NHSL1: variants seen among roughly 807,000 people sequenced by gnomAD.
NHSL1 encodes the protein NHS-like protein 1.
Under a neutral mutation model 95.0 loss-of-function variants are expected in NHSL1, and 48 were observed. The ratio of observed to expected loss-of-function variants is 0.51; its 90% CI spans 0.40 to 0.64. NHSL1 has a LOEUF of 0.64. Among genes scored for constraint, NHSL1 ranks in the 30% least tolerant of loss-of-function variants. The pLI is 0.00. For missense variants in NHSL1, 1,971 were observed against 2,077.7 expected (o/e 0.95, Z 1.00); for synonymous variants, 783 against 833.9 (o/e 0.94, Z 1.05).
chr6:138,692,882 G>A (rs959951559), upstream of NHSL1, among the ~76,000 whole-genome samples: 3 of 150,808 alleles, frequency 2.0e-5, no homozygotes, highest in African/African-American at 7.3e-5. The surrounding 1 kb of genome is among the most constrained non-coding windows in gnomAD (Gnocchi z 4.0). Flanking sequence ...AGGGAAGCCT[G>A]GCGGCCCCTG....
intron 1 of NHSL1, among the ~76,000 whole-genome samples, chr6:138,681,199 T>C (rs1562411647): frequency 6.6e-6 from 1 of 152,174 alleles, no homozygotes; most frequent in Non-Finnish European, 1.5e-5. Flanking sequence ...AAATTGTGTG[T>C]ATAAAAAAGA....
chr6:138,600,449 C>T (rs1306422156), intron 1 of NHSL1, among the ~76,000 whole-genome samples: 1 of 152,172 alleles, frequency 6.6e-6, no homozygotes, highest in East Asian at 1.9e-4. Context: ...TTTATCAGCA[C>T]TGTAAAGGGT....
intron 1 of NHSL1, among the ~76,000 whole-genome samples, chr6:138,653,092 A>C (rs1316231440): frequency 6.6e-6 from 1 of 152,218 alleles, no homozygotes; most frequent in Non-Finnish European, 1.5e-5. Context: ...AAGTTCAGTA[A>C]CTGCACTGGA....
At chr6:138,623,162 T>C (rs1037063329) in intron 1 of NHSL1, among the ~76,000 whole-genome samples, 1 of 152,094 alleles carries the variant, frequency 6.6e-6, no homozygotes, top group Non-Finnish European at 1.5e-5. Context: ...AACAATGCGA[T>C]GGGAATGTGG....
intron 3 of NHSL1, among the ~76,000 whole-genome samples, chr6:138,462,823 G>T (rs1778087105): frequency 6.6e-6 from 1 of 152,204 alleles, no homozygotes; most frequent in Admixed American, 6.5e-5. Flanking sequence ...TCAAACTGGA[G>T]TTGGGTTCTT....
At chr6:138,438,508 T>C (rs994159429) in intron 5 of NHSL1, among the ~76,000 whole-genome samples, 1 of 152,216 alleles carries the variant, frequency 6.6e-6, no homozygotes, top group Non-Finnish European at 1.5e-5. Flanking sequence ...GCAATAACCC[T>C]GAGGTATGTC....
intron 2 of NHSL1, among the ~76,000 whole-genome samples, chr6:138,489,656 G>A (rs1002746922): frequency 3.3e-5 from 5 of 151,180 alleles, no homozygotes; most frequent in African/African-American, 1.2e-4. Flanking sequence ...CAGCTACTCA[G>A]GGTGCTGAGG....
At chr6:138,453,394 G>C (rs1370437108) in intron 3 of NHSL1, among the ~76,000 whole-genome samples, 1 of 151,840 alleles carries the variant, frequency 6.6e-6, no homozygotes, top group Non-Finnish European at 1.5e-5. Flanking sequence ...TTGCCCTCTT[G>C]CCCAGGCTAG....
At chr6:138,489,829 A>G (rs1226304276) in intron 2 of NHSL1, among the ~76,000 whole-genome samples, 6 of 85,848 alleles carry the variant, frequency 7.0e-5, no homozygotes, top group African/African-American at 2.5e-4. Context: ...AGAGAGGGAG[A>G]GAGAGAGAGA....
chr6:138,491,758 G>A (rs1458348974), intron 2 of NHSL1, among the ~76,000 whole-genome samples: 3 of 152,078 alleles, frequency 2.0e-5, no homozygotes, highest in Admixed American at 6.5e-5. Flanking sequence ...TCTCTTATCC[G>A]AAATGCTTGA....
chr6:138,484,262 G>C (rs1318420740), intron 2 of NHSL1, among the ~76,000 whole-genome samples: 1 of 152,154 alleles, frequency 6.6e-6, no homozygotes, highest in East Asian at 1.9e-4. Context: ...AAGCTTGCAG[G>C]CAAGTGTAGG....
intron 4 of NHSL1, among the ~76,000 whole-genome samples, chr6:138,446,400 C>T (rs763682708): frequency 1.3e-5 from 2 of 152,144 alleles, no homozygotes; most frequent in South Asian, 2.1e-4. Flanking sequence ...ATTTTATGTA[C>T]CTTGTCACCT....
At chr6:138,465,722 T>C (rs1015574118) in intron 3 of NHSL1, among the ~76,000 whole-genome samples, 1 of 144,596 alleles carries the variant, frequency 6.9e-6, no homozygotes, top group African/African-American at 2.6e-5. Flanking sequence ...TTTTTTTCTT[T>C]TCTTTTTTTT....
At chr6:138,661,076 A>C (rs1020688666) in intron 1 of NHSL1, among the ~76,000 whole-genome samples, 5 of 152,220 alleles carry the variant, frequency 3.3e-5, no homozygotes, top group African/African-American at 9.7e-5. Context: ...GAAGATTATC[A>C]CAATCAAGCT....
At chr6:138,654,894 G>C (rs887459508) in intron 1 of NHSL1, among the ~76,000 whole-genome samples, 1 of 152,152 alleles carries the variant, frequency 6.6e-6, no homozygotes, top group Admixed American at 6.5e-5. Context: ...ACGCTCTAAG[G>C]GGTGTGCACA....
At chr6:138,683,689 C>A (rs754630116) in intron 1 of NHSL1, among the ~76,000 whole-genome samples, 1 of 152,214 alleles carries the variant, frequency 6.6e-6, no homozygotes, top group Non-Finnish European at 1.5e-5. Context: ...CACTGCCACG[C>A]GATGTTTGGG....
At chr6:138,517,130 C>T (rs1781492979) in intron 1 of NHSL1, among the ~76,000 whole-genome samples, 1 of 152,232 alleles carries the variant, frequency 6.6e-6, no homozygotes, top group Admixed American at 6.5e-5. Flanking sequence ...TGTATCATAA[C>T]ACTTTCTGCC....
intron 2 of NHSL1, among the ~76,000 whole-genome samples, chr6:138,482,174 C>T (rs183382060): frequency 9.9e-5 from 15 of 152,166 alleles, no homozygotes; most frequent in Non-Finnish European, 1.5e-4. Flanking sequence ...TGAAGCCGGG[C>T]GTGGTGGCTC....
At position 138,430,809 on chromosome 6, in the gene NHSL1, C is replaced by T; in HGVS notation, c.3536G>A (p.Ser1179Asn). ...TGAAGAGTCTGGGAGTGGGGTGGTG[C>T]TGGGGCTGGGCCGAGCCTCTGCCTC... ...AGEAEARPSP[S>N]TTPLPDSSPS... Residue 1179 changes from serine to asparagine, a missense_variant, in exon 6 of 8, where the codon AGC (serine) becomes AAC (asparagine). By Grantham distance (46) the Ser-to-Asn change is conservative. Coordinates refer to ENST00000343505, the MANE Select transcript of NHSL1 (RefSeq NM_001144060.2). The surrounding 1 kb of genome is among the most constrained non-coding windows in gnomAD (Gnocchi z 4.7). 1 of 1,551,076 alleles carries T rather than the reference C, an allele frequency of 6.4e-7. No homozygotes were observed. The highest frequency in any genetic ancestry group is 1.4e-5 in the African/African-American group (1 of 73,140).
Sources: gnomAD v4.1 joint callset for allele counts (sites outside exome capture counted in the v4.1 genomes callset) on GRCh38, gnomAD v4.1.1 for gene constraint, Gnocchi (gnomAD v3.1) non-coding constraint, MANE v1.5 for transcripts, NCBI Gene and HGNC (gene_info 2026-07-23, HGNC 2026-07-21) for gene names.